Variants in MAPK11 observed in about 807,000 individuals in gnomAD.
MAPK11 encodes the protein MAP kinase 11.
MAPK11 carries 44 observed loss-of-function variants against 52.2 expected under a neutral mutation model. That is an observed-to-expected ratio of 0.84 (90% CI 0.66 to 1.08). The LOEUF is 1.08. MAPK11 is among the 50% of genes least tolerant of loss of function. MAPK11 has a pLI of 0.00. For missense variants in MAPK11, 436 were observed against 494.7 expected (o/e 0.88, Z 1.13); for synonymous variants, 233 against 206.3 (o/e 1.13, Z -1.11).
At chr22:50,265,106 A>T in intron 11 of MAPK11, 79 bp from the exon 12 acceptor site, 1 of 1,348,932 alleles carries the variant, frequency 7.4e-7, no homozygotes. Context: ...CCTGCCACCC[A>T]GCCCAGGCCC....
intron 6 of MAPK11, 25 bp from the exon 7 acceptor site, chr22:50,267,073 A>C (rs1435378252): frequency 6.2e-7 from 1 of 1,611,484 alleles, no homozygotes; most frequent in Non-Finnish European, 8.5e-7. Context: ...TGGTGTTCTC[A>C]AGCTCCGCAC....
At position 50,265,432 on chromosome 22, in the gene MAPK11, C is replaced by A; in HGVS notation, c.904G>T (p.Ala302Ser). The A allele has an allele frequency of 6.2e-7, 1 of 1,613,180 alleles. No individual in the cohort carries two copies. The highest frequency in any genetic ancestry group is 8.5e-7 in the Non-Finnish European group (1 of 1,180,016). Residue 302 changes from alanine to serine, a missense_variant, in exon 11 of 12, where the codon GCA becomes TCA. Physicochemically the swap from Ala to Ser is moderately conservative, Grantham distance 99 (BLOSUM62 1). Transcript: ENST00000330651. ...DSDQRVSAAE[A>S]LAHAYFSQYH... Reference sequence around the variant, plus strand: ...TGGCTGAAGTAGGCGTGGGCCAGTGCCTCAGCTGCACTGACCCTCTGGTCA... The same window carrying A: ...TGGCTGAAGTAGGCGTGGGCCAGTGACTCAGCTGCACTGACCCTCTGGTCA...
At position 50,265,330 on chromosome 22, in the gene MAPK11, CCTCCAGCGTGCG is replaced by C. The variant is rs1262139741; in HGVS notation, c.994_1005del (p.Arg332_Glu335del). The C allele has an allele frequency of 6.2e-7, 1 of 1,613,140 alleles. No individual in the cohort carries two copies. Among genetic ancestry groups the C allele is most frequent in the Non-Finnish European group, 8.5e-7 (1 of 1,179,970 alleles). On this transcript the variant is annotated inframe_deletion, in exon 11 of 12. Transcript: ENST00000330651. Reference sequence around the variant, plus strand: ...CCACTGCCATGCTCACCCTTCCACTCCTCCAGCGTGCGCTCCTTGGCCTCAACGCTCTCATCA... The same window carrying C: ...CCACTGCCATGCTCACCCTTCCACTCCTCCTTGGCCTCAACGCTCTCATCA...
Position 50,267,246 on chromosome 22 carries a change from G to A in MAPK11, c.447+11C>T. On this transcript the variant is annotated intron_variant, in intron 5 of 11. Transcript: ENST00000330651. ...TGCTGGACCCGACCCTCACCCTGCGGTCGCACCTACCCGGTGGATGATCCC... is the reference window on the plus strand; with the variant it reads ...TGCTGGACCCGACCCTCACCCTGCGATCGCACCTACCCGGTGGATGATCCC... The A allele has an allele frequency of 6.2e-7, 1 of 1,607,704 alleles. No homozygotes were observed. The highest frequency in any genetic ancestry group is 8.5e-7 in the Non-Finnish European group (1 of 1,178,644).
chr22:50,268,949 C>T (rs555459505), intron 1 of MAPK11, among the ~76,000 whole-genome samples: 10 of 152,140 alleles, frequency 6.6e-5, no homozygotes, highest in Non-Finnish European at 1.2e-4. Context: ...GTTCTTTTGG[C>T]CAATTGCATC....
chr22:50,267,990 A>C (rs2065280330), intron 1 of MAPK11, 41 bp from the exon 2 acceptor site: 2 of 1,482,758 alleles, frequency 1.3e-6, no homozygotes, highest in African/African-American at 2.9e-5. Context: ...GAGGGGTCCG[A>C]GGGCGGCCGC....
chr22:50,269,983 A>G (rs2065295281), intron 1 of MAPK11, among the ~76,000 whole-genome samples, 194 bp downstream of exon 1: 1 of 151,896 alleles, frequency 6.6e-6, no homozygotes, highest in Non-Finnish European at 1.5e-5. Context: ...CCTCCCGGTA[A>G]CGGCGTCTGC....
chr22:50,267,315 G>T, intron 4 of MAPK11, 29 bp from the exon 5 acceptor site: 1 of 1,590,548 alleles, frequency 6.3e-7, no homozygotes, highest in East Asian at 2.3e-5. Context: ...GGTGAGCGCC[G>T]GGCCCGGCCC....
At position 50,270,329 on chromosome 22, in the gene MAPK11, C is replaced by T. The variant is rs2065299458; in HGVS notation, c.-37G>A. On this transcript the variant is annotated 5_prime_UTR_variant, in exon 1 of 12. Coordinates refer to ENST00000330651, the MANE Select transcript of MAPK11 (RefSeq NM_002751.7). This position sits in a 1 kb window ranked among gnomAD's most constrained non-coding sequence, Gnocchi z 6.3. ...CCGCCGCTCCGCCCGGGCCCAGCCC[C>T]GCGCCCCGCGCCCGCGCCCGAGCCG... 2 of 914,388 alleles carry T rather than the reference C, an allele frequency of 2.2e-6. No homozygotes were observed. The highest frequency in any genetic ancestry group is 1.8e-5 in the African/African-American group (1 of 55,770). The allele number at this position is 914,388 out of a possible 1,614,324, so 56.6% of individuals were successfully genotyped here. A position where few individuals can be genotyped will look rare whatever the true frequency, so the allele number is the denominator to read the frequency against.
In MAPK11 at chr22:50,267,565, T is replaced by C; in HGVS notation, c.305+4A>G. On this transcript the variant is annotated splice_donor_region_variant and intron_variant, in intron 3 of 11. Transcript: ENST00000330651. ...CCCGCTGCCTCGCCCGCCCCGCCGC[T>C]CACACTTCGCTGAAGTCCTCGATGG... 1 of 1,545,864 alleles carries C rather than the reference T, an allele frequency of 6.5e-7. No homozygotes were observed.
At chr22:50,267,669 G>GA (rs2065275736) in intron 2 of MAPK11, 42 bp from the exon 3 acceptor site, 1 of 1,502,868 alleles carries the variant, frequency 6.7e-7, no homozygotes. Context: ...CGAACCCCCG[G>GA]CTGTCGTTCA....
chr22:50,264,996 C>A lies in MAPK11; in HGVS notation c.1047G>T (p.Lys349Asn). ...CAGGTGGCTTCGGTGGCTCTGGGGG[C>A]TTGAAGCTGAGGACTTCCTGGTAAG... ...ELTYQEVLSF[K>N]PPEPPKPPGS... Residue 349 changes from lysine (K) to asparagine (N), a missense_variant, in exon 12 of 12, where the codon AAG becomes AAT. Transcript: ENST00000330651. 1 of 1,613,350 alleles carries A rather than the reference C, an allele frequency of 6.2e-7. No homozygotes were observed. The highest frequency in any genetic ancestry group is 8.5e-7 in the Non-Finnish European group (1 of 1,179,822).
intron 2 of MAPK11, 36 bp from the exon 3 acceptor site, chr22:50,267,663 C>T (rs770307299): frequency 6.6e-7 from 1 of 1,508,576 alleles, no homozygotes. Flanking sequence ...GGGCGACGAA[C>T]CCCCGGCTGT....
At chr22:50,266,185 A>C in intron 9 of MAPK11, 41 bp downstream of exon 9, 1 of 1,498,284 alleles carries the variant, frequency 6.7e-7, no homozygotes, top group Non-Finnish European at 9.1e-7. Context: ...CTGGGGGCTC[A>C]GCCAGGAGAG....
rs956274936 is a variant in MAPK11, at chr22:50,265,379, C to G, written c.957G>C (p.Glu319Asp). The change falls in exon 11 of 12, where the codon GAG (glutamate) becomes GAC (aspartate). Residue 319 changes from glutamate to aspartate, a missense_variant. Physicochemically the swap from Glu to Asp is conservative, Grantham distance 45 (BLOSUM62 2). Transcript: ENST00000330651. ...SQYHDPEDEPEAEPYDESVEA... is the reference protein window; with the variant it reads ...SQYHDPEDEPDAEPYDESVEA... ...CAACGCTCTCATCATATGGCTCGGC[C>G]TCTGGCTCATCCTCGGGGTCGTGGT... The G allele has an allele frequency of 3.1e-6, 5 of 1,613,046 alleles. No individual in the cohort carries two copies. In the African/African-American group the frequency reaches 5.3e-5, roughly 17 times the overall value.
In MAPK11 at chr22:50,266,448, G is replaced by A; in HGVS notation, c.682+92C>T. 3 of 1,398,738 alleles carry A rather than the reference G, an allele frequency of 2.1e-6. No homozygotes were observed. The South Asian group carries it at 4.1e-5, about 19-fold the overall frequency. The allele number at this position is 1,398,738 out of a possible 1,614,324, so 86.6% of individuals were successfully genotyped here. A position where few individuals can be genotyped will look rare whatever the true frequency, so the allele number is the denominator to read the frequency against. The stretch of plus-strand genomic sequence containing the variant: ...AAGTAGCATAGCATGGGGGGCAGAG[G>A]AGGCAAGACCCGCCAGAAGGGGCCA... On this transcript the variant is annotated intron_variant, in intron 8 of 11. Coordinates refer to ENST00000330651, the MANE Select transcript of MAPK11 (RefSeq NM_002751.7).
chr22:50,266,914 C>G lies in MAPK11; in HGVS notation c.610+20G>C, dbSNP rs539141791. 2 of 1,602,378 alleles carry G rather than the reference C, an allele frequency of 1.2e-6. No individual in the cohort carries two copies. Among genetic ancestry groups the G allele is most frequent in the Non-Finnish European group, 8.5e-7 (1 of 1,176,788 alleles). On this transcript the variant is annotated intron_variant, in intron 7 of 11. Transcript: ENST00000330651. ...GACGAGGCCCTTGGCCTTCGTCCCC[C>G]CAAGGCCTTCCCCCTGCACCTGTTT...
At chr22:50,265,055 T>C in intron 11 of MAPK11, 28 bp from the exon 12 acceptor site, 1 of 1,587,368 alleles carries the variant, frequency 6.3e-7, no homozygotes. Flanking sequence ...AGGGTGAGCT[T>C]GTGCCTCCCA....
rs1386587065 is a variant in MAPK11, at chr22:50,267,354, A to G, written c.417+17T>C. On this transcript the variant is annotated intron_variant, in intron 4 of 11. Transcript: ENST00000330651. ...CGCCCCCCTGCGAGAGGACCCGCGA[A>G]GCCCAGGGCGCCCCACCTTCAGCCC... 1 of 1,596,516 alleles carries G rather than the reference A, an allele frequency of 6.3e-7. No homozygotes were observed. Among genetic ancestry groups the G allele is most frequent in the East Asian group, 2.3e-5 (1 of 44,214 alleles).
Sources: allele counts gnomAD v4.1 joint callset (sites outside exome capture counted in the v4.1 genomes callset), GRCh38; gene constraint gnomAD v4.1.1; non-coding constraint Gnocchi (gnomAD v3.1); transcripts MANE v1.5; gene names NCBI Gene and HGNC (gene_info 2026-07-23, HGNC 2026-07-21).